Variants in SCUBE1 observed in about 807,000 individuals in gnomAD.
The protein encoded by SCUBE1 is signal peptide, CUB domain and EGF like domain containing 1, also known as signal peptide, CUB and EGF-like domain-containing protein 1.
A neutral mutation model predicts 124.4 loss-of-function variants in SCUBE1; 59 were observed. That is an observed-to-expected ratio of 0.47 (90% CI 0.38 to 0.59). The LOEUF (loss-of-function observed/expected upper bound fraction) is 0.59, where lower values mean the gene tolerates loss of function less well. Ranked by LOEUF, SCUBE1 falls within the 20% of genes least tolerant of loss-of-function variation. The pLI is 0.00. For synonymous variants in SCUBE1, 545 were observed against 550.9 expected (o/e 0.99, Z 0.15); for missense variants, 1,150 against 1,371.2 (o/e 0.84, Z 2.55).
At chr22:43,247,964 C>A (rs945378686) in intron 6 of SCUBE1, among the ~76,000 whole-genome samples, 2 of 152,196 alleles carry the variant, frequency 1.3e-5, no homozygotes, top group Non-Finnish European at 2.9e-5. Flanking sequence ...GAGGTTGCAT[C>A]TCGAAGGGCT....
chr22:43,304,642 C>T (rs774147209), intron 3 of SCUBE1, among the ~76,000 whole-genome samples: 1 of 152,088 alleles, frequency 6.6e-6, no homozygotes, highest in Non-Finnish European at 1.5e-5. Flanking sequence ...ACCAGGAGAG[C>T]ACATGGTATA....
chr22:43,246,188 C>A (rs1456127997), intron 6 of SCUBE1, among the ~76,000 whole-genome samples: 1 of 152,190 alleles, frequency 6.6e-6, no homozygotes. Flanking sequence ...AGTGGCCAGT[C>A]TCCCCCTGCC....
chr22:43,258,248 G>A lies in SCUBE1; in HGVS notation c.698C>T (p.Ala233Val). 2.5e-6 allele frequency: 4 copies of A among 1,613,146 alleles called. No homozygotes were observed. Among genetic ancestry groups the A allele is most frequent in the Non-Finnish European group, 3.4e-6 (4 of 1,179,154 alleles). ...GCACGTGCGACCGTCTGAGTGGAGG[G>A]CGTACTTCTGGTGGCAACCACACGT... is the stretch of plus-strand genomic sequence containing the variant. ...GPTCGCHQKY[A>V]LHSDGRTCIE... The change falls in exon 6 of 22, where the codon GCC becomes GTC. Residue 233 changes from alanine (A) to valine (V), a missense_variant. By Grantham distance (64) the Ala-to-Val change is moderately conservative. Transcript: ENST00000360835. This position sits in a 1 kb window ranked among gnomAD's most constrained non-coding sequence, Gnocchi z 5.0.
chr22:43,208,065 A>C lies in SCUBE1; in HGVS notation c.2734+7T>G, dbSNP rs372220422. 5 of 1,613,918 alleles carry C rather than the reference A, an allele frequency of 3.1e-6. No individual in the cohort carries two copies. In the South Asian group the frequency reaches 5.5e-5, roughly 18 times the overall value. On this transcript the variant is annotated splice_region_variant and intron_variant, in intron 20 of 21. Transcript: ENST00000360835. The stretch of plus-strand genomic sequence containing the variant: ...GCACAGTGGGCCGTGAAGACAGTGG[A>C]TCTTACCATCGTAGGTGACATAGGG...
At chr22:43,325,051 A>G (rs1453220424) in intron 2 of SCUBE1, among the ~76,000 whole-genome samples, 1 of 151,250 alleles carries the variant, frequency 6.6e-6, no homozygotes, top group Non-Finnish European at 1.5e-5. Flanking sequence ...GAAGACACAC[A>G]GACACGCGGA....
Position 43,262,717 on chromosome 22 carries a change from T to C in SCUBE1, c.610+3A>G. Reference sequence around the variant, plus strand: ...TTTGACCCATTTGTCTCCCTCTACCTACGTGTGCAGTCCTTCTGGTTTTGG... The same window carrying C: ...TTTGACCCATTTGTCTCCCTCTACCCACGTGTGCAGTCCTTCTGGTTTTGG... On this transcript the variant is annotated splice_donor_region_variant and intron_variant, in intron 5 of 21. Transcript: ENST00000360835. The C allele has an allele frequency of 6.2e-7, 1 of 1,614,028 alleles. No homozygotes were observed. The highest frequency in any genetic ancestry group is 8.5e-7 in the Non-Finnish European group (1 of 1,179,902).
intron 15 of SCUBE1, among the ~76,000 whole-genome samples, chr22:43,214,479 G>T (rs1413615311): frequency 2.0e-5 from 3 of 152,190 alleles, no homozygotes; most frequent in African/African-American, 7.2e-5. Flanking sequence ...GCACCTCAGA[G>T]TCCTCTGTGG....
intron 4 of SCUBE1, among the ~76,000 whole-genome samples, chr22:43,273,563 T>TC (rs895058077): frequency 6.1e-5 from 7 of 114,828 alleles, no homozygotes; most frequent in African/African-American, 2.3e-4. Context: ...AAAACCCTCT[T>TC]TTTTTTTTTT....
chr22:43,276,233 G>A (rs1489277889), intron 4 of SCUBE1, among the ~76,000 whole-genome samples: 3 of 152,222 alleles, frequency 2.0e-5, no homozygotes, highest in African/African-American at 7.2e-5. Context: ...GGTCAGAGCT[G>A]GAGAAGTGGC....
intron 4 of SCUBE1, among the ~76,000 whole-genome samples, chr22:43,278,362 G>A (rs1017659089): frequency 2.6e-5 from 4 of 152,256 alleles, no homozygotes; most frequent in Non-Finnish European, 4.4e-5. Context: ...CAGGTGCTGA[G>A]GCTGGGATGG....
rs534134796 is a variant in SCUBE1 at position 43,258,126 on chromosome 22, C to A, written c.727+93G>T. The A allele has an allele frequency of 1.0e-5, 9 of 893,756 alleles. No homozygotes were observed. Among genetic ancestry groups the A allele is most frequent in the African/African-American group, 5.0e-5 (3 of 59,708 alleles). 55.4% of individuals were successfully genotyped at this position (893,756 alleles called of 1,614,324 possible). On this transcript the variant is annotated intron_variant, in intron 6 of 21. Coordinates refer to ENST00000360835, the MANE Select transcript of SCUBE1 (RefSeq NM_173050.5). The surrounding 1 kb of genome is among the most constrained non-coding windows in gnomAD (Gnocchi z 5.0). ...CCCTGAAGCTTCCTTCCGGGGAACC[C>A]GGACGTGGCAGGGTGCTGGCCCTGC...
chr22:43,227,402 C>T lies in SCUBE1; in HGVS notation c.1179G>A (p.Arg393=). Residue 393 remains arginine, a synonymous_variant, in exon 10 of 22, where the codon CGG becomes CGA. Coordinates refer to ENST00000360835, the MANE Select transcript of SCUBE1 (RefSeq NM_173050.5). ...SYECVCPPGR[R]LHWNGKDCVE... ...CGCAATCCTTCCCGTTCCAGTGGAG[C>T]CGCCTCCCCGGGGGACAGACGCACT... is the stretch of plus-strand genomic sequence containing the variant. 6.2e-7 allele frequency: 1 copy of T among 1,611,898 alleles called. No homozygotes were observed. Among genetic ancestry groups the T allele is most frequent in the Non-Finnish European group, 8.5e-7 (1 of 1,179,686 alleles).
intron 1 of SCUBE1, among the ~76,000 whole-genome samples, chr22:43,339,451 G>C (rs902082807): frequency 6.6e-6 from 1 of 151,964 alleles, no homozygotes; most frequent in Non-Finnish European, 1.5e-5. Flanking sequence ...CTATCAATAC[G>C]CTTGGCCTTA....
At chr22:43,277,515 C>T (rs2146730213) in intron 4 of SCUBE1, among the ~76,000 whole-genome samples, 1 of 152,336 alleles carries the variant, frequency 6.6e-6, no homozygotes, top group African/African-American at 2.4e-5. Context: ...AGCACCCCTG[C>T]CCCTGGCCCC....
chr22:43,293,159 C>T (rs113305700), intron 3 of SCUBE1, among the ~76,000 whole-genome samples: 1,639 of 152,350 alleles, frequency 0.011, 28 homozygotes, highest in African/African-American at 0.037. Context: ...TGTCTCCAGC[C>T]TGCACTGGAC....
intron 3 of SCUBE1, among the ~76,000 whole-genome samples, chr22:43,296,282 A>T (rs2146757523): frequency 6.6e-6 from 1 of 152,268 alleles, no homozygotes; most frequent in Admixed American, 6.5e-5. Flanking sequence ...AGTGTCCCAA[A>T]CCACTGAGGC....
At position 43,229,207 on chromosome 22, in the gene SCUBE1, A is replaced by G. The variant is rs997836522; in HGVS notation, c.968-19T>C. The G allele has an allele frequency of 3.2e-6, 5 of 1,560,354 alleles. No individual in the cohort carries two copies. Among genetic ancestry groups the G allele is most frequent in the Non-Finnish European group, 4.4e-6 (5 of 1,131,544 alleles). ...TCGATGTCTGCGTGGCCACAGGGAG[A>G]CAAAGTTGGGGGAGGAGTTTGAGGG... is the stretch of plus-strand genomic sequence containing the variant. On this transcript the variant is annotated intron_variant, in intron 8 of 21. Transcript: ENST00000360835.
intron 2 of SCUBE1, among the ~76,000 whole-genome samples, chr22:43,329,383 G>A (rs974346993): frequency 2.0e-5 from 3 of 152,364 alleles, no homozygotes; most frequent in Non-Finnish European, 4.4e-5. Context: ...TGCCCACAGC[G>A]AGGGTCCCAG....
chr22:43,310,014 C>A (rs775661135), intron 3 of SCUBE1, among the ~76,000 whole-genome samples: 7 of 152,138 alleles, frequency 4.6e-5, no homozygotes, highest in African/African-American at 7.2e-5. Context: ...ATTAAAATGT[C>A]CACTGGAACA....
Sources: allele counts gnomAD v4.1 joint callset (sites outside exome capture counted in the v4.1 genomes callset), GRCh38; gene constraint gnomAD v4.1.1; non-coding constraint Gnocchi (gnomAD v3.1); transcripts MANE v1.5; gene names NCBI Gene and HGNC (gene_info 2026-07-23, HGNC 2026-07-21).